LPIN2: variants seen among roughly 807,000 people sequenced by gnomAD.
The protein encoded by LPIN2 is phosphatidate phosphatase LPIN2.
In LPIN2, 55 loss-of-function variants were observed where a neutral mutation model predicts 111.4. The observed-to-expected ratio is 0.49, with a 90% CI of 0.40 to 0.62. The LOEUF (loss-of-function observed/expected upper bound fraction) is 0.62, where lower values mean the gene tolerates loss of function less well. LPIN2 is among the 20% of genes least tolerant of loss of function. The pLI is 0.00. For missense variants in LPIN2, 992 were observed against 1,112.1 expected, an observed-to-expected ratio of 0.89 and a Z score of 1.54; for synonymous variants, 425 against 414.0, an observed-to-expected ratio of 1.03 and a Z score of -0.32.
intron 4 of LPIN2, chr18:2,945,694 C>A (rs1172655148): frequency 1.5e-6 from 2 of 1,303,096 alleles, no homozygotes; most frequent in Non-Finnish European, 1.1e-6. Context: ...TCAATCACAC[C>A]CCATAATTTC....
intron 1 of LPIN2, among the ~76,000 whole-genome samples, chr18:2,993,219 A>G (rs140470997): frequency 6.6e-6 from 1 of 151,862 alleles, no homozygotes; most frequent in African/African-American, 2.4e-5. Flanking sequence ...AAAGAAGAAG[A>G]AAGAAGAAAG....
chr18:3,006,765 A>G (rs1380998210), intron 1 of LPIN2, among the ~76,000 whole-genome samples: 8 of 151,778 alleles, frequency 5.3e-5, no homozygotes, highest in Admixed American at 2.6e-4. Context: ...TGAACCCGGG[A>G]GGCGGAGCTT....
In LPIN2 at chr18:2,997,734, A is replaced by G. The variant is rs1430163439; in HGVS notation, c.-10+15353T>C. 2.0e-5 allele frequency among the ~76,000 whole-genome samples: 3 copies of G among 152,354 alleles called. No homozygotes were observed. In the East Asian group the frequency reaches 5.8e-4, roughly 29 times the overall value. ...AGAAACAAAAAGTCACCAATTCATC[A>G]GCTTACTTAGCTGATGTCACAGAAG... On this transcript the variant is annotated intron_variant, in intron 1 of 19. Coordinates refer to ENST00000677752, the MANE Select transcript of LPIN2 (RefSeq NM_001375808.2).
At chr18:2,949,775 G>A (rs1334888249) in intron 4 of LPIN2, among the ~76,000 whole-genome samples, 1 of 152,148 alleles carries the variant, frequency 6.6e-6, no homozygotes, top group East Asian at 1.9e-4. Flanking sequence ...CATTAATGCA[G>A]TATAATTATA....
rs982902380 is a variant in LPIN2 at position 2,931,343 on chromosome 18, C to T, written c.1369G>A (p.Glu457Lys). Reference protein sequence around the residue: ...VGSAAADSGTECLSDSAMDLP... With the variant: ...VGSAAADSGTKCLSDSAMDLP... ...TCCATGGCAGAATCTGAGAGGCACT[C>T]GGTGCCGCTATCTGCAGCTGCGCTT... Residue 457 changes from glutamate (E) to lysine (K), a missense_variant, in exon 9 of 20, where the codon GAG (glutamate) becomes AAG (lysine). By Grantham distance (56) the Glu-to-Lys change is moderately conservative. Transcript: ENST00000677752. 2 of 1,613,962 alleles carry T rather than the reference C, an allele frequency of 1.2e-6. No individual in the cohort carries two copies. The highest frequency in any genetic ancestry group is 1.3e-5 in the African/African-American group (1 of 74,924).
At chr18:3,008,796 T>C (rs1443602435) in intron 1 of LPIN2, among the ~76,000 whole-genome samples, 1 of 151,848 alleles carries the variant, frequency 6.6e-6, no homozygotes, top group Non-Finnish European at 1.5e-5. Context: ...CACTGCAGCC[T>C]CAACTCCTTG....
At chr18:2,953,315 T>G (rs2077565103) in intron 3 of LPIN2, among the ~76,000 whole-genome samples, 1 of 152,178 alleles carries the variant, frequency 6.6e-6, no homozygotes, top group Non-Finnish European at 1.5e-5. Context: ...AGTTCAGTGT[T>G]ATGAATTATA....
intron 16 of LPIN2, 86 bp from the exon 17 acceptor site, chr18:2,922,285 TTTC>T (rs1482518373): frequency 6.0e-6 from 9 of 1,491,592 alleles, no homozygotes; most frequent in Non-Finnish European, 8.2e-6. Context: ...CACACTTTTC[TTTC>T]TTTTTTTTTT....
rs749445661 is a variant in LPIN2 at position 2,954,596 on chromosome 18, C to A, written c.196G>T (p.Asp66Tyr). Residue 66 changes from aspartate to tyrosine, a missense_variant, in exon 3 of 20, where the codon GAT becomes TAT. This residue lies in a region of LPIN2 where 67 missense variants were observed against 112.1 expected (regional missense o/e 0.60). Coordinates refer to ENST00000677752, the MANE Select transcript of LPIN2 (RefSeq NM_001375808.2). Reference sequence around the variant, plus strand: ...ACTGCACTGCCGTTGATTTCTATATCAATCTATGGGAGAAACAAAGTATGA... The same window carrying A: ...ACTGCACTGCCGTTGATTTCTATATAAATCTATGGGAGAAACAAAGTATGA... ...GVLRSKEKVI[D>Y]IEINGSAVDL... 1 of 1,602,982 alleles carries A rather than the reference C, an allele frequency of 6.2e-7. No homozygotes were observed. The highest frequency in any genetic ancestry group is 1.1e-5 in the South Asian group (1 of 90,872).
chr18:2,937,262 G>T (rs1206438007), intron 7 of LPIN2, among the ~76,000 whole-genome samples: 1 of 152,084 alleles, frequency 6.6e-6, no homozygotes, highest in East Asian at 1.9e-4. Flanking sequence ...TGAGTGACGG[G>T]CCTGGGCACG....
chr18:2,917,359 GA>G lies in LPIN2; in HGVS notation c.*2933del. ...AAGCTCTACAACACGGGAAAACATC[GA>G]AATTCCCCGGAAGTCTGTTTTTGCC... On this transcript the variant is annotated 3_prime_UTR_variant, in exon 20 of 20. Coordinates refer to ENST00000677752, the MANE Select transcript of LPIN2 (RefSeq NM_001375808.2). 1 of 151,096 alleles carries G rather than the reference GA, an allele frequency of 6.6e-6. No individual in the cohort carries two copies. The highest frequency in any genetic ancestry group is 2.1e-4 in the South Asian group (1 of 4,826). The allele number at this position is 151,096 out of a possible 1,614,324, so 9.4% of individuals were successfully genotyped here.
intron 1 of LPIN2, among the ~76,000 whole-genome samples, chr18:3,006,806 C>T (rs2078523965): frequency 6.6e-6 from 1 of 151,680 alleles, no homozygotes; most frequent in African/African-American, 2.4e-5. Context: ...CGCTGCACTC[C>T]AGCCTGGGCG....
chr18:2,928,951 T>C, intron 10 of LPIN2, 114 bp downstream of exon 10: 1 of 774,910 alleles, frequency 1.3e-6, no homozygotes, highest in Non-Finnish European at 2.3e-6. Flanking sequence ...CTGGCTAATT[T>C]ATATGAGATG....
At chr18:2,920,735 C>T in intron 19 of LPIN2, 43 bp downstream of exon 19, 3 of 1,472,150 alleles carry the variant, frequency 2.0e-6, no homozygotes, top group Non-Finnish European at 2.9e-6. Context: ...CAACTGTACC[C>T]CTGGCTGCAG....
intron 4 of LPIN2, among the ~76,000 whole-genome samples, chr18:2,941,198 G>C (rs2077362912): frequency 6.6e-6 from 1 of 152,130 alleles, no homozygotes; most frequent in Non-Finnish European, 1.5e-5. Flanking sequence ...ATGTATATTA[G>C]CTGAAGACAA....
chr18:2,954,823 C>A (rs1418631081), intron 2 of LPIN2, among the ~76,000 whole-genome samples: 1 of 152,140 alleles, frequency 6.6e-6, no homozygotes, highest in East Asian at 1.9e-4. Context: ...AAGTGTTTCA[C>A]CATCTATTTT....
chr18:2,973,198 CA>C (rs368816797), intron 1 of LPIN2, among the ~76,000 whole-genome samples: 1,593 of 145,452 alleles, frequency 0.011, 26 homozygotes, highest in African/African-American at 0.037. Flanking sequence ...TTTCTTAAAA[CA>C]AAAAAAAAAG....
chr18:2,925,092 G>T lies in LPIN2; in HGVS notation c.1938+132C>A. On this transcript the variant is annotated intron_variant, in intron 14 of 19. Transcript: ENST00000677752. The surrounding 1 kb of genome is among the most constrained non-coding windows in gnomAD (Gnocchi z 4.1). ...GGGCGGCGGTCGTGGTTCCACTGTG[G>T]ATAGGCATTGACACGACCATGCCGT... is the stretch of plus-strand genomic sequence containing the variant. The T allele has an allele frequency of 2.5e-6, 3 of 1,214,132 alleles. No homozygotes were observed. Among genetic ancestry groups the T allele is most frequent in the East Asian group, 2.4e-5 (1 of 40,940 alleles). The allele number at this position is 1,214,132 out of a possible 1,614,324, so 75.2% of individuals were successfully genotyped here.
chr18:2,961,882 A>G (rs114884402), intron 1 of LPIN2, among the ~76,000 whole-genome samples: 2,888 of 152,314 alleles, frequency 0.019, 78 homozygotes, highest in African/African-American at 0.059. Flanking sequence ...ACTTTCACCC[A>G]ACCACAGGAC....
Sources: allele counts gnomAD v4.1 joint callset (sites outside exome capture counted in the v4.1 genomes callset), GRCh38; gene constraint gnomAD v4.1.1; regional missense constraint gnomAD v4.1.1; non-coding constraint Gnocchi (gnomAD v3.1); transcripts MANE v1.5; gene names NCBI Gene and HGNC (gene_info 2026-07-23, HGNC 2026-07-21).